Variants in TGFBR3 observed in about 807,000 individuals in gnomAD.
The protein encoded by TGFBR3 is transforming growth factor beta receptor 3.
TGFBR3 carries 46 observed loss-of-function variants against 87.9 expected under a neutral mutation model. The observed-to-expected ratio is 0.52, with a 90% CI of 0.41 to 0.67. The LOEUF (loss-of-function observed/expected upper bound fraction) is 0.67, where lower values mean the gene tolerates loss of function less well. Ranked by LOEUF, TGFBR3 falls within the 30% of genes least tolerant of loss-of-function variation. The pLI is 0.00. For synonymous variants in TGFBR3, 381 were observed against 391.6 expected, an observed-to-expected ratio of 0.97 and a Z score of 0.32; for missense variants, 866 against 1,041.9, an observed-to-expected ratio of 0.83 and a Z score of 2.32.
rs753218529 is a variant in TGFBR3 at position 91,719,446 on chromosome 1, T to A, written c.1432A>T (p.Met478Leu). ...GTAGGATCCAACAGGGTGACGTCCA[T>A]CCCCGAGTAGCCACTGGCCTAAAAC... ...DSFQASGYSG[M>L]DVTLLDPTCK... The change falls in exon 10 of 17, where the codon ATG (methionine) becomes TTG (leucine). Residue 478 changes from methionine to leucine, a missense_variant. Coordinates refer to ENST00000212355, the MANE Select transcript of TGFBR3 (RefSeq NM_003243.5). 2.5e-6 allele frequency: 4 copies of A among 1,614,034 alleles called. No homozygotes were observed. In the Admixed American group the frequency reaches 6.7e-5, roughly 27 times the overall value.
chr1:91,685,704 A>G (rs780550634), intron 16 of TGFBR3, among the ~76,000 whole-genome samples: 37 of 152,120 alleles, frequency 2.4e-4, no homozygotes, highest in Admixed American at 6.5e-5. Flanking sequence ...TGTGTGTATA[A>G]TTAAGGCTGG....
chr1:91,840,686 G>A (rs911510821), intron 2 of TGFBR3, among the ~76,000 whole-genome samples: 4 of 152,082 alleles, frequency 2.6e-5, no homozygotes, highest in African/African-American at 7.2e-5. Context: ...TAACCATTGA[G>A]AAACTGTCAT....
At chr1:91,887,427 ATT>A (rs1438819501), upstream of TGFBR3, among the ~76,000 whole-genome samples, 1 of 150,878 alleles carries the variant, frequency 6.6e-6, no homozygotes, top group African/African-American at 2.4e-5. Flanking sequence ...AACTTTTTGT[ATT>A]TTTTGTAGAG....
chr1:91,718,183 T>A (rs928511319), intron 10 of TGFBR3, among the ~76,000 whole-genome samples: 1 of 152,214 alleles, frequency 6.6e-6, no homozygotes, highest in Non-Finnish European at 1.5e-5. Flanking sequence ...AGCCCATCCC[T>A]GGAGTTTAAA....
At chr1:91,858,042 G>A (rs1017272774) in intron 2 of TGFBR3, among the ~76,000 whole-genome samples, 1 of 152,176 alleles carries the variant, frequency 6.6e-6, no homozygotes, top group Non-Finnish European at 1.5e-5. Flanking sequence ...TTAGCTGTGT[G>A]ACCTTAAGAA....
At chr1:91,826,744 T>A (rs1403555543) in intron 2 of TGFBR3, among the ~76,000 whole-genome samples, 8 of 139,394 alleles carry the variant, frequency 5.7e-5, no homozygotes, top group Admixed American at 7.1e-5. Context: ...CATCCACTAT[T>A]AAAAAAAAAA....
At chr1:91,803,310 CTA>C (rs1326476720) in intron 2 of TGFBR3, among the ~76,000 whole-genome samples, 3 of 152,220 alleles carry the variant, frequency 2.0e-5, no homozygotes, top group Non-Finnish European at 2.9e-5. Context: ...AGAACGAAAG[CTA>C]TGTTTCCCAA....
intron 7 of TGFBR3, among the ~76,000 whole-genome samples, chr1:91,727,094 C>T (rs1311727552): frequency 1.3e-5 from 2 of 152,232 alleles, no homozygotes; most frequent in Non-Finnish European, 1.5e-5. Flanking sequence ...ATTTCACTGA[C>T]TTCGCACTTA....
intron 5 of TGFBR3, 41 bp downstream of exon 5, chr1:91,734,735 T>C (rs1431049200): frequency 6.2e-7 from 1 of 1,605,756 alleles, no homozygotes; most frequent in Non-Finnish European, 8.5e-7. Context: ...AACAATTGCC[T>C]GTCATAAATC....
chr1:91,886,239 G>C (rs535647630), upstream of TGFBR3: 2 of 445,182 alleles, frequency 4.5e-6, no homozygotes, highest in East Asian at 7.2e-5. Flanking sequence ...TCAGCGCGCG[G>C]GGGGAAGGGC....
chr1:91,745,910 C>T (rs1673329301), intron 4 of TGFBR3, among the ~76,000 whole-genome samples: 1 of 152,192 alleles, frequency 6.6e-6, no homozygotes. Flanking sequence ...CAAATCCATG[C>T]AGCCATTTAA....
At chr1:91,728,739 C>T (rs375630368) in intron 6 of TGFBR3, among the ~76,000 whole-genome samples, 25 of 152,274 alleles carry the variant, frequency 1.6e-4, no homozygotes, top group East Asian at 1.5e-3. Flanking sequence ...GTAGCTTACA[C>T]GCTTTGAAAG....
At chr1:91,695,110 C>CT (rs3038541) in intron 16 of TGFBR3, among the ~76,000 whole-genome samples, 51,123 of 139,918 alleles carry the variant, frequency 0.37, 9,574 homozygotes, top group Admixed American at 0.47. Context: ...TGTTTCATCA[C>CT]TTTTTTTTTT....
chr1:91,814,281 T>C (rs1676131791), intron 2 of TGFBR3, among the ~76,000 whole-genome samples: 1 of 152,190 alleles, frequency 6.6e-6, no homozygotes, highest in Non-Finnish European at 1.5e-5. Context: ...CTGTTTCTCA[T>C]ACTCAAGAAG....
intron 2 of TGFBR3, among the ~76,000 whole-genome samples, chr1:91,843,719 G>A (rs1557740092): frequency 6.6e-6 from 1 of 152,164 alleles, no homozygotes; most frequent in Non-Finnish European, 1.5e-5. Flanking sequence ...CACAGCCTAT[G>A]ATCTGGACCT....
In TGFBR3 at chr1:91,797,309, C is replaced by T; in HGVS notation, c.224G>A (p.Gly75Glu). The change falls in exon 3 of 17, where the codon GGG becomes GAG. Residue 75 changes from glycine (G) to glutamate (E), a missense_variant. By Grantham distance (98) the Gly-to-Glu change is moderately conservative. Transcript: ENST00000212355. ...TACCTCTCTCTGTAGCTGGCCAGGCCCCTGGCCTGCAGTGCGGAGATTCAG... is the reference window on the plus strand; with the variant it reads ...TACCTCTCTCTGTAGCTGGCCAGGCTCCTGGCCTGCAGTGCGGAGATTCAG... ...HVLNLRTAGQGPGQLQREVTL... is the reference protein window; with the variant it reads ...HVLNLRTAGQEPGQLQREVTL... 1.2e-6 allele frequency: 2 copies of T among 1,614,164 alleles called. No individual in the cohort carries two copies. The highest frequency in any genetic ancestry group is 1.1e-5 in the South Asian group (1 of 91,078).
At chr1:91,868,822 A>G (rs1164009502) in intron 1 of TGFBR3, among the ~76,000 whole-genome samples, 2 of 152,172 alleles carry the variant, frequency 1.3e-5, no homozygotes, top group East Asian at 3.8e-4. Flanking sequence ...TGTCTCTACA[A>G]AAAATTTAAA....
intron 1 of TGFBR3, among the ~76,000 whole-genome samples, chr1:91,874,372 T>C (rs912077951): frequency 2.0e-5 from 3 of 152,146 alleles, no homozygotes; most frequent in Non-Finnish European, 4.4e-5. Context: ...TGGAGCAGAT[T>C]GAGCAGCCTA....
At chr1:91,696,834 A>G (rs900803628) in intron 15 of TGFBR3, among the ~76,000 whole-genome samples, 14 of 149,378 alleles carry the variant, frequency 9.4e-5, no homozygotes, top group Non-Finnish European at 1.8e-4. Context: ...AAAGAAAGCT[A>G]TTTTTTTTTT....
Sources: allele counts gnomAD v4.1 joint callset (sites outside exome capture counted in the v4.1 genomes callset), GRCh38; gene constraint gnomAD v4.1.1; transcripts MANE v1.5; gene names NCBI Gene and HGNC (gene_info 2026-07-23, HGNC 2026-07-21).